MROH2A: variants seen among roughly 807,000 people sequenced by gnomAD.
MROH2A encodes maestro heat like repeat family member 2A, also known as maestro heat-like repeat-containing protein family member 2A.
MROH2A carries 174 observed loss-of-function variants against 200.4 expected under a neutral mutation model. That is an observed-to-expected ratio of 0.87 (90% CI 0.77 to 0.98). MROH2A has a LOEUF of 0.98. Ranked by LOEUF, MROH2A falls within the 50% of genes least tolerant of loss-of-function variation. The pLI, the probability that MROH2A is intolerant of heterozygous loss-of-function variation, is 0.00. For missense variants in MROH2A, 2,045 were observed against 2,139.6 expected, an observed-to-expected ratio of 0.96 and a Z score of 0.87; for synonymous variants, 829 against 840.4, an observed-to-expected ratio of 0.99 and a Z score of 0.23.
chr2:233,819,841 GT>G (rs1282328597), intron 30 of MROH2A, 60 bp from the exon 31 acceptor site: 2 of 1,439,206 alleles, frequency 1.4e-6, no homozygotes, highest in Non-Finnish European at 1.8e-6. Flanking sequence ...ATGTCATGGG[GT>G]TAGTGCAGGA....
At position 233,822,535 on chromosome 2, in the gene MROH2A, C is replaced by A; in HGVS notation, c.3845C>A (p.Pro1282Gln). The A allele has an allele frequency of 6.5e-7, 1 of 1,550,062 alleles. No homozygotes were observed. Among genetic ancestry groups the A allele is most frequent in the Non-Finnish European group, 8.7e-7 (1 of 1,147,024 alleles). Residue 1282 changes from proline (P) to glutamine (Q), a missense_variant, in exon 33 of 42, where the codon CCG (proline) becomes CAG (glutamine). By Grantham distance (76) the Pro-to-Gln change is moderately conservative. This residue lies in a region of MROH2A where 1,201 missense variants were observed against 1,311.3 expected (regional missense o/e 0.92). Coordinates refer to ENST00000389758, the MANE Select transcript of MROH2A (RefSeq NM_001394639.1). Reference sequence around the variant, plus strand: ...AAGCTGGTCCACACCACTCCTCTGCCGGAGGAGATGAACCTGCAAAGGTGC... The same window carrying A: ...AAGCTGGTCCACACCACTCCTCTGCAGGAGGAGATGAACCTGCAAAGGTGC... Reference protein sequence around the residue: ...MWKLVHTTPLPEEMNLQRVTI... With the variant: ...MWKLVHTTPLQEEMNLQRVTI...
At chr2:233,826,097 G>A (rs1704290291) in intron 35 of MROH2A, among the ~76,000 whole-genome samples, 1 of 151,868 alleles carries the variant, frequency 6.6e-6, no homozygotes, top group Non-Finnish European at 1.5e-5. Context: ...GCTAATTTTT[G>A]TATTTTTAGT....
intron 12 of MROH2A, 58 bp downstream of exon 12, chr2:233,798,908 A>G: frequency 7.1e-7 from 1 of 1,407,424 alleles, no homozygotes. Context: ...CAGGGAGGCA[A>G]AGGGAAGTCT....
Position 233,818,912 on chromosome 2 carries a change from T to C in MROH2A, c.3204+142T>C, listed in dbSNP as rs527373311. ...CTTCCACGGCCTTTGGCCCAACTGC[T>C]GCCCTCTGTGTTGAAAGGGCCTGCA... is the stretch of plus-strand genomic sequence containing the variant. On this transcript the variant is annotated intron_variant, in intron 29 of 41. Transcript: ENST00000389758. 1.0e-3 allele frequency: 627 copies of C among 620,852 alleles called. 2 individuals are homozygous for C. The highest frequency in any genetic ancestry group is 1.4e-3 in the Non-Finnish European group (507 of 350,514). The allele number at this position is 620,852 out of a possible 1,614,324, so 38.5% of individuals were successfully genotyped here.
At chr2:233,796,734 C>T (rs1249151952) in intron 11 of MROH2A, among the ~76,000 whole-genome samples, 3 of 152,340 alleles carry the variant, frequency 2.0e-5, no homozygotes, top group Non-Finnish European at 4.4e-5. Flanking sequence ...AACCAAGGCA[C>T]TAGCTCACAC....
intron 35 of MROH2A, among the ~76,000 whole-genome samples, chr2:233,825,373 TGA>T (rs1704234434): frequency 6.6e-6 from 1 of 152,234 alleles, no homozygotes. Flanking sequence ...GTAGGAGTGG[TGA>T]GAGAGGGCAT....
At chr2:233,793,562 G>T in intron 6 of MROH2A, 111 bp from the exon 7 acceptor site, 1 of 1,065,240 alleles carries the variant, frequency 9.4e-7, no homozygotes, top group East Asian at 3.2e-5. Flanking sequence ...GGTGCAGCCT[G>T]CTCGCTACGG....
chr2:233,811,348 A>G (rs1703142359), intron 23 of MROH2A, among the ~76,000 whole-genome samples: 1 of 152,194 alleles, frequency 6.6e-6, no homozygotes, highest in South Asian at 2.1e-4. Flanking sequence ...CCAAAGGCTG[A>G]TGGAACCTGT....
At position 233,814,666 on chromosome 2, in the gene MROH2A, G is replaced by A; in HGVS notation, c.2845G>A (p.Glu949Lys). Reference protein sequence around the residue: ...QRQLDPKGLQEMVQLLEKWIL... With the variant: ...QRQLDPKGLQKMVQLLEKWIL... ...GCAGCTGGACCCCAAGGGGCTGCAG[G>A]AGATGGTGCAGGTGAGTTGCCTGGT... is the stretch of plus-strand genomic sequence containing the variant. The change falls in exon 26 of 42, where the codon GAG becomes AAG. Residue 949 changes from glutamate (E) to lysine (K), a missense_variant. Physicochemically the swap from Glu to Lys is moderately conservative, Grantham distance 56. Transcript: ENST00000389758. The A allele has an allele frequency of 1.3e-6, 2 of 1,550,222 alleles. No homozygotes were observed. Among genetic ancestry groups the A allele is most frequent in the Non-Finnish European group, 1.7e-6 (2 of 1,146,750 alleles).
chr2:233,776,170 C>T (rs1229558153), upstream of MROH2A, among the ~76,000 whole-genome samples: 1 of 152,052 alleles, frequency 6.6e-6, no homozygotes, highest in East Asian at 1.9e-4. Context: ...CACATTATGT[C>T]TTGGGCCTTT....
intron 35 of MROH2A, among the ~76,000 whole-genome samples, chr2:233,826,029 A>G (rs1174567729): frequency 6.7e-6 from 1 of 149,396 alleles, no homozygotes; most frequent in Non-Finnish European, 1.5e-5. Flanking sequence ...GGTTCAAGCA[A>G]TTCTCCTGCC....
chr2:233,803,567 C>T, intron 16 of MROH2A, 79 bp downstream of exon 16: 2 of 1,465,264 alleles, frequency 1.4e-6, no homozygotes, highest in Non-Finnish European at 9.3e-7. Context: ...TCCTAATTCC[C>T]AGAGCCCCAG....
chr2:233,807,754 C>T lies in MROH2A; in HGVS notation c.2194C>T (p.Leu732=). The change falls in exon 21 of 42, where the codon CTG becomes TTG. Residue 732 remains leucine (L), a synonymous_variant. Coordinates refer to ENST00000389758, the MANE Select transcript of MROH2A (RefSeq NM_001394639.1). This position sits in a 1 kb window ranked among gnomAD's most constrained non-coding sequence, Gnocchi z 4.3. ...DSEGVIMCFG[L]CARGQVKTVL... ...GCAGGGTGTGATTATGTGCTTTGGC[C>T]TGTGTGCCCGGGGCCAGGTAAAAAC... 6.4e-7 allele frequency: 1 copy of T among 1,550,714 alleles called. No homozygotes were observed. The highest frequency in any genetic ancestry group is 8.7e-7 in the Non-Finnish European group (1 of 1,147,026).
rs747032873 is a variant in MROH2A at position 233,779,786 on chromosome 2, G to A, written c.210G>A (p.Met70Ile). ...AGACCCTGGCCTCGGTGATAATCATGGAGAAGGCCACCACTGAGCCTTCTG... is the reference window on the plus strand; with the variant it reads ...AGACCCTGGCCTCGGTGATAATCATAGAGAAGGCCACCACTGAGCCTTCTG... ...MRKTLASVII[M>I]EKATTEPSVV... Residue 70 changes from methionine to isoleucine, a missense_variant, in exon 3 of 42, where the codon ATG becomes ATA. Transcript: ENST00000389758. 2.5e-4 allele frequency: 381 copies of A among 1,550,670 alleles called. No homozygotes were observed. The highest frequency in any genetic ancestry group is 3.2e-4 in the Non-Finnish European group (368 of 1,147,014).
intron 23 of MROH2A, among the ~76,000 whole-genome samples, chr2:233,811,671 C>T (rs377619195): frequency 3.9e-5 from 6 of 152,222 alleles, no homozygotes; most frequent in Non-Finnish European, 7.3e-5. Flanking sequence ...ATGAGCAGCG[C>T]GAGCTGGGAG....
chr2:233,827,898 C>T (rs1267382781), intron 35 of MROH2A, among the ~76,000 whole-genome samples: 5 of 151,906 alleles, frequency 3.3e-5, no homozygotes, highest in African/African-American at 7.2e-5. Context: ...AGGTTGTGAT[C>T]GTTGTATTCA....
At chr2:233,813,291 C>T (rs1012564383) in intron 24 of MROH2A, among the ~76,000 whole-genome samples, 6 of 152,186 alleles carry the variant, frequency 3.9e-5, no homozygotes, top group Non-Finnish European at 8.8e-5. Flanking sequence ...GCTGCTGCTG[C>T]TGGTGATGGT....
At chr2:233,829,802 C>T in intron 38 of MROH2A, 27 bp downstream of exon 38, 1 of 1,296,794 alleles carries the variant, frequency 7.7e-7, no homozygotes, top group Non-Finnish European at 9.9e-7. Flanking sequence ...GCTTTGTGTC[C>T]CAGTCTGGGG....
At chr2:233,832,545 C>T (rs923593457) in intron 40 of MROH2A, 34 bp from the exon 41 acceptor site, 21 of 1,451,550 alleles carry the variant, frequency 1.4e-5, no homozygotes, top group Non-Finnish European at 1.7e-5. Flanking sequence ...ACCTAATACT[C>T]GCGTGATGAG....
Sources: allele counts gnomAD v4.1 joint callset (sites outside exome capture counted in the v4.1 genomes callset), GRCh38; gene constraint gnomAD v4.1.1; regional missense constraint gnomAD v4.1.1; non-coding constraint Gnocchi (gnomAD v3.1); transcripts MANE v1.5; gene names NCBI Gene and HGNC (gene_info 2026-07-23, HGNC 2026-07-21).